Variants in EPHA6 observed in about 807,000 individuals in gnomAD.
The protein encoded by EPHA6 is EPH receptor A6.
Under a neutral mutation model 112.0 loss-of-function variants are expected in EPHA6, and 50 were observed. The observed-to-expected ratio is 0.45, with a 90% CI of 0.36 to 0.56. EPHA6 has a LOEUF of 0.56. Among genes scored for constraint, EPHA6 ranks in the 20% least tolerant of loss-of-function variants. EPHA6 has a pLI of 0.00. For synonymous variants in EPHA6, 529 were observed against 490.7 expected (o/e 1.08, Z -1.03); for missense variants, 1,280 against 1,417.4 (o/e 0.90, Z 1.56).
At chr3:96,900,760 G>A (rs921720414) in intron 2 of EPHA6, among the ~76,000 whole-genome samples, 1 of 152,364 alleles carries the variant, frequency 6.6e-6, no homozygotes, top group South Asian at 2.1e-4. Flanking sequence ...ATCTCTGTCA[G>A]TCATGGCCCT....
chr3:97,689,328 G>A (rs1379406900), intron 14 of EPHA6, among the ~76,000 whole-genome samples: 2 of 152,210 alleles, frequency 1.3e-5, no homozygotes, highest in Admixed American at 1.3e-4. Flanking sequence ...TGTCCTTCCA[G>A]TGTAATAGAG....
At chr3:97,480,179 A>T (rs987235011) in intron 9 of EPHA6, among the ~76,000 whole-genome samples, 5 of 151,276 alleles carry the variant, frequency 3.3e-5, no homozygotes, top group South Asian at 2.1e-4. Context: ...ATTTTTTATT[A>T]TTATTTTTTA....
intron 1 of EPHA6, among the ~76,000 whole-genome samples, chr3:96,847,836 G>T (rs1441743955): frequency 6.6e-6 from 1 of 152,106 alleles, no homozygotes; most frequent in Admixed American, 6.6e-5. Context: ...CTAGGGGTAG[G>T]TAGAGTAGAA....
At chr3:96,913,207 CACACA>C (rs2039314393) in intron 2 of EPHA6, among the ~76,000 whole-genome samples, 2 of 119,214 alleles carry the variant, frequency 1.7e-5, no homozygotes, top group Non-Finnish European at 3.4e-5. Flanking sequence ...CACACACACA[CACACA>C]CCACACACAC....
intron 6 of EPHA6, among the ~76,000 whole-genome samples, chr3:97,448,166 G>A (rs1029966675): frequency 6.6e-6 from 1 of 152,084 alleles, no homozygotes; most frequent in African/African-American, 2.4e-5. Context: ...ACTACCTGCG[G>A]GTAGAAGTGA....
Position 97,595,913 on chromosome 3 carries a change from T to C in EPHA6, c.2512+3176T>C, listed in dbSNP as rs190303611. Among the ~76,000 whole-genome samples the C allele has an allele frequency of 2.1e-3, 298 of 144,942 alleles. 1 individual carries two copies. Among genetic ancestry groups the C allele is most frequent in the African/African-American group, 7.0e-3 (273 of 39,072 alleles). On this transcript the variant is annotated intron_variant, in intron 12 of 17. Transcript: ENST00000389672. ...ATCAGACATATTCTCTTTTTTTTTT[T>C]TTTTTTTTTTGAGACGGAGTCTCTC... is the stretch of plus-strand genomic sequence containing the variant.
chr3:97,626,529 G>A (rs983326442), intron 13 of EPHA6, among the ~76,000 whole-genome samples: 7 of 151,726 alleles, frequency 4.6e-5, no homozygotes, highest in South Asian at 2.1e-4. Flanking sequence ...GTAACAGACC[G>A]TGAGTCCATG....
chr3:97,641,596 G>A (rs567067600), intron 14 of EPHA6, among the ~76,000 whole-genome samples: 21 of 152,328 alleles, frequency 1.4e-4, no homozygotes, highest in African/African-American at 2.6e-4. Context: ...CACCATGCGC[G>A]AGCCGAAGCA....
At chr3:97,209,592 C>A (rs2077810436) in intron 3 of EPHA6, among the ~76,000 whole-genome samples, 1 of 152,136 alleles carries the variant, frequency 6.6e-6, no homozygotes, top group Admixed American at 6.5e-5. Flanking sequence ...TAATAACTTT[C>A]TATAAAAATG....
intron 3 of EPHA6, among the ~76,000 whole-genome samples, chr3:97,050,488 A>G (rs948926944): frequency 1.3e-5 from 2 of 152,200 alleles, no homozygotes; most frequent in African/African-American, 4.8e-5. Context: ...ATAAAATTTC[A>G]GTTGTTTTTC....
At chr3:97,414,360 C>G (rs2087954130) in intron 6 of EPHA6, among the ~76,000 whole-genome samples, 1 of 151,952 alleles carries the variant, frequency 6.6e-6, no homozygotes, top group Non-Finnish European at 1.5e-5. Flanking sequence ...ATCAGTACAC[C>G]TCTTTAGAAA....
At chr3:97,093,413 G>A (rs2047135576) in intron 3 of EPHA6, among the ~76,000 whole-genome samples, 1 of 152,012 alleles carries the variant, frequency 6.6e-6, no homozygotes, top group Admixed American at 6.6e-5. Flanking sequence ...AGCCGGTCAT[G>A]ATGGCATGTG....
chr3:97,021,775 C>G (rs1427949834), intron 3 of EPHA6, among the ~76,000 whole-genome samples: 1 of 152,168 alleles, frequency 6.6e-6, no homozygotes. Context: ...TGTAAAAGCC[C>G]TATCTCATAT....
chr3:97,300,091 G>T (rs974823370), intron 5 of EPHA6, among the ~76,000 whole-genome samples: 1 of 152,098 alleles, frequency 6.6e-6, no homozygotes, highest in Non-Finnish European at 1.5e-5. Flanking sequence ...GGATTAACAA[G>T]TGTTCATAAC....
intron 3 of EPHA6, among the ~76,000 whole-genome samples, chr3:97,042,486 C>G (rs545523078): frequency 2.6e-5 from 4 of 152,236 alleles, no homozygotes; most frequent in African/African-American, 9.6e-5. Flanking sequence ...TGCAAAAATG[C>G]CCTCATACAG....
At chr3:97,747,718 T>C (rs535049451) in intron 17 of EPHA6, 146 bp downstream of exon 17, 43 of 588,120 alleles carry the variant, frequency 7.3e-5, no homozygotes, top group Non-Finnish European at 1.0e-4. Flanking sequence ...CTAGTGGAAG[T>C]TGGACATTAC....
At chr3:96,928,584 T>A (rs1427310078) in intron 2 of EPHA6, among the ~76,000 whole-genome samples, 1 of 152,174 alleles carries the variant, frequency 6.6e-6, no homozygotes, top group Non-Finnish European at 1.5e-5. Context: ...ATGAGAAGAA[T>A]GTATATTCTG....
intron 3 of EPHA6, among the ~76,000 whole-genome samples, chr3:97,123,387 C>T (rs955806055): frequency 6.6e-6 from 1 of 152,052 alleles, no homozygotes; most frequent in Admixed American, 6.6e-5. Context: ...CTGCCTTAAG[C>T]AGCAGTCCAG....
chr3:96,897,491 T>C (rs2038343863), intron 2 of EPHA6, among the ~76,000 whole-genome samples: 1 of 152,202 alleles, frequency 6.6e-6, no homozygotes, highest in Non-Finnish European at 1.5e-5. Context: ...TTATGTATTC[T>C]CATTCCTAGG....
Sources: allele counts gnomAD v4.1 joint callset (sites outside exome capture counted in the v4.1 genomes callset), GRCh38; gene constraint gnomAD v4.1.1; transcripts MANE v1.5; gene names NCBI Gene and HGNC (gene_info 2026-07-23, HGNC 2026-07-21).